Variants in ANAPC4 observed in about 807,000 individuals in gnomAD.
The protein encoded by ANAPC4 is anaphase promoting complex subunit 4.
ANAPC4 carries 63 observed loss-of-function variants against 119.8 expected under a neutral mutation model. The observed-to-expected ratio is 0.53, with a 90% confidence interval of 0.43 to 0.65. The LOEUF is 0.65. ANAPC4 is among the 30% of genes least tolerant of loss of function. The pLI, the probability that ANAPC4 is intolerant of heterozygous loss-of-function variation, is 0.00. For missense variants in ANAPC4, 716 were observed against 945.1 expected (o/e 0.76, Z 3.18); for synonymous variants, 283 against 318.6 (o/e 0.89, Z 1.19).
At chr4:25,402,508 A>G (rs1262296697) in intron 16 of ANAPC4, among the ~76,000 whole-genome samples, 1 of 152,238 alleles carries the variant, frequency 6.6e-6, no homozygotes, top group Non-Finnish European at 1.5e-5. Flanking sequence ...TCCAAAAATA[A>G]TGGTCCATTG....
Position 25,416,426 on chromosome 4 carries a change from A to T in ANAPC4, c.1903A>T (p.Ile635Phe), listed in dbSNP as rs1194392220. The T allele has an allele frequency of 1.3e-6, 2 of 1,523,468 alleles. No homozygotes were observed. The highest frequency in any genetic ancestry group is 4.6e-5 in the East Asian group (2 of 43,434). 94.4% of individuals were successfully genotyped at this position (1,523,468 alleles called of 1,614,324 possible). ...YATTEKVRRS[I>F]YSCLDAQFYD... is the part of the protein sequence containing the mutation. The stretch of plus-strand genomic sequence containing the variant: ...TAACAAAACTTATTTTAATTCTAGC[A>T]TCTACAGTTGTTTAGATGCACAGTT... The change falls in exon 27 of 29, where the codon ATC becomes TTC. Residue 635 changes from isoleucine (I) to phenylalanine (F), a missense_variant and splice_region_variant. Physicochemically the swap from Ile to Phe is conservative, Grantham distance 21 (BLOSUM62 0). Transcript: ENST00000315368.
intron 16 of ANAPC4, among the ~76,000 whole-genome samples, chr4:25,402,210 G>A (rs1036243344): frequency 2.6e-5 from 4 of 152,166 alleles, no homozygotes; most frequent in Non-Finnish European, 5.9e-5. Context: ...GTACTGAAAG[G>A]TTAATGATAC....
chr4:25,394,512 ATACT>A (rs751571424), intron 12 of ANAPC4, 138 bp downstream of exon 12: 4 of 1,007,044 alleles, frequency 4.0e-6, no homozygotes, highest in East Asian at 2.7e-5. Flanking sequence ...AATGTGTTAC[ATACT>A]TACGGGGTAT....
At chr4:25,385,655 A>G (rs1284612214) in intron 4 of ANAPC4, among the ~76,000 whole-genome samples, 1 of 152,162 alleles carries the variant, frequency 6.6e-6, no homozygotes, top group Non-Finnish European at 1.5e-5. Flanking sequence ...CTTTGAATTC[A>G]CAACTTGGAG....
chr4:25,394,334 C>T lies in ANAPC4; in HGVS notation c.901C>T (p.Gln301Ter), dbSNP rs777104091. 3.2e-6 allele frequency: 5 copies of T among 1,586,196 alleles called. No individual in the cohort carries two copies. Among genetic ancestry groups the T allele is most frequent in the Non-Finnish European group, 4.3e-6 (5 of 1,173,256 alleles). Residue 301 changes from glutamine (Q) to a stop codon, truncating the protein, a stop_gained, in exon 12 of 29, where the codon CAA becomes TAA. Coordinates refer to ENST00000315368, the MANE Select transcript of ANAPC4 (RefSeq NM_013367.3). LOFTEE classifies it high-confidence loss of function. ...VQEKNTTTSV[Q>*]DEFMHLLLWG... The stretch of plus-strand genomic sequence containing the variant: ...GGAAAAGAACACAACCACATCAGTG[C>T]AAGATGAGTTCATGCACTTGCTATT...
In ANAPC4 at chr4:25,394,407, G is replaced by A. The variant is rs758153353; in HGVS notation, c.941+33G>A. 7.8e-6 allele frequency: 12 copies of A among 1,534,774 alleles called. No individual in the cohort carries two copies. In the African/African-American group the frequency reaches 1.1e-4, roughly 15 times the overall value. ...ACTCAGATTAGGTGCTCCTGTTTTT[G>A]CTTCTTTTTTAACAGTAATTATTTA... On this transcript the variant is annotated intron_variant, in intron 12 of 28. Transcript: ENST00000315368.
intron 2 of ANAPC4, 144 bp from the exon 3 acceptor site, chr4:25,380,230 A>G (rs1269170761): frequency 2.0e-6 from 1 of 512,546 alleles, no homozygotes; most frequent in Non-Finnish European, 3.4e-6. Flanking sequence ...GTTCATTCAG[A>G]CACTGTTGTC....
At chr4:25,387,854 A>G (rs1345001385) in intron 4 of ANAPC4, among the ~76,000 whole-genome samples, 3 of 152,190 alleles carry the variant, frequency 2.0e-5, no homozygotes, top group African/African-American at 7.2e-5. Flanking sequence ...ATCACATAGT[A>G]GGCCATGCAT....
intron 4 of ANAPC4, among the ~76,000 whole-genome samples, chr4:25,387,218 C>T (rs1243835610): frequency 6.6e-6 from 1 of 152,014 alleles, no homozygotes; most frequent in Non-Finnish European, 1.5e-5. Flanking sequence ...TGAAGAAGGC[C>T]GGAGGAATCA....
intron 18 of ANAPC4, 131 bp from the exon 19 acceptor site, chr4:25,406,698 A>G (rs1335525044): frequency 1.5e-6 from 1 of 682,434 alleles, no homozygotes; most frequent in African/African-American, 1.9e-5. Context: ...TATTTCTTTG[A>G]AAGAACTTTG....
Position 25,418,286 on chromosome 4 carries a change from G to T in ANAPC4, c.2331G>T (p.Ser777=), listed in dbSNP as rs3214036. 7,192 of 1,614,006 alleles carry T rather than the reference G, an allele frequency of 4.5e-3. 238 individuals carry two copies. The East Asian group carries it at 0.092, about 21-fold the overall frequency. ...KPVKIKEEVL[S]ESEAENQQAG... ...TAAAAATAAAGGAAGAAGTGTTGTCGGAGTCAGAGGCAGAGAACCAACAAG... is the reference window on the plus strand; with the variant it reads ...TAAAAATAAAGGAAGAAGTGTTGTCTGAGTCAGAGGCAGAGAACCAACAAG... Residue 777 remains serine (S), a synonymous_variant, in exon 29 of 29, where the codon TCG becomes TCT. Transcript: ENST00000315368.
chr4:25,392,200 GTT>G (rs1722385078), intron 9 of ANAPC4, 136 bp from the exon 10 acceptor site: 1 of 628,644 alleles, frequency 1.6e-6, no homozygotes, highest in African/African-American at 1.8e-5. Context: ...GCTATGTGCT[GTT>G]TCCAAACCGT....
intron 11 of ANAPC4, 121 bp from the exon 12 acceptor site, chr4:25,394,189 C>G: frequency 1.2e-6 from 1 of 835,982 alleles, no homozygotes; most frequent in Non-Finnish European, 1.9e-6. Flanking sequence ...CAGATGATCA[C>G]TTTATGGATT....
rs199890640 is a variant in ANAPC4, at chr4:25,414,421, C to T, written c.1685+36C>T. The T allele has an allele frequency of 8.1e-4, 1,289 of 1,596,406 alleles. 2 individuals carry two copies. Among genetic ancestry groups the T allele is most frequent in the Admixed American group, 2.6e-3 (154 of 58,968 alleles). On this transcript the variant is annotated intron_variant, in intron 23 of 28. Coordinates refer to ENST00000315368, the MANE Select transcript of ANAPC4 (RefSeq NM_013367.3). ...TTACCTATTGGATGGTGTAATTCCG[C>T]AGCCAATTTAAATTTTTCTCATTTC...
intron 25 of ANAPC4, 63 bp downstream of exon 25, chr4:25,414,763 A>G (rs932455705): frequency 2.2e-6 from 3 of 1,347,146 alleles, no homozygotes; most frequent in Non-Finnish European, 2.9e-6. Flanking sequence ...AGAATGAAGC[A>G]TACAGCCTTC....
In ANAPC4 at chr4:25,409,805, C is replaced by T. The variant is rs1234513580; in HGVS notation, c.1525+14C>T. 1 of 1,602,022 alleles carries T rather than the reference C, an allele frequency of 6.2e-7. No homozygotes were observed. Among genetic ancestry groups the T allele is most frequent in the African/African-American group, 1.3e-5 (1 of 74,730 alleles). ...GCCACCTTAAAGGTACTTCATGAAC[C>T]AACCAGATTTTGGCCATTTTTGTTT... On this transcript the variant is annotated intron_variant, in intron 21 of 28. Coordinates refer to ENST00000315368, the MANE Select transcript of ANAPC4 (RefSeq NM_013367.3).
chr4:25,389,220 G>A (rs980808814), intron 7 of ANAPC4, among the ~76,000 whole-genome samples: 4 of 149,740 alleles, frequency 2.7e-5, no homozygotes, highest in South Asian at 2.1e-4. Context: ...GTACAGTGGC[G>A]TTATCTCGGC....
At chr4:25,418,105 T>G (rs1723981282) in intron 28 of ANAPC4, 50 bp from the exon 29 acceptor site, 1 of 1,475,746 alleles carries the variant, frequency 6.8e-7, no homozygotes, top group Non-Finnish European at 9.3e-7. Context: ...ATTCTTTATA[T>G]ATGATAAGCC....
Position 25,416,600 on chromosome 4 carries a change from T to C in ANAPC4, c.2075+2T>C. 2.0e-6 allele frequency: 3 copies of C among 1,513,058 alleles called. No homozygotes were observed. Among genetic ancestry groups the C allele is most frequent in the Non-Finnish European group, 2.7e-6 (3 of 1,119,164 alleles). 93.7% of individuals were successfully genotyped at this position (1,513,058 alleles called of 1,614,324 possible). A position where few individuals can be genotyped will look rare whatever the true frequency, so the allele number is the denominator to read the frequency against. ...GTTCACTGGGACTTATTCTACAAGG[T>C]AACTAGTAACATTGTCTTTCTGATA... is the stretch of plus-strand genomic sequence containing the variant. On this transcript the variant is annotated splice_donor_variant, in intron 27 of 28. Transcript: ENST00000315368. LOFTEE classifies it high-confidence loss of function.
Sources: gnomAD v4.1 joint callset for allele counts (sites outside exome capture counted in the v4.1 genomes callset) on GRCh38, gnomAD v4.1.1 for gene constraint, MANE v1.5 for transcripts, NCBI Gene and HGNC (gene_info 2026-07-23, HGNC 2026-07-21) for gene names.